DHRS7B: variants seen among roughly 807,000 people sequenced by gnomAD.
DHRS7B encodes the protein dehydrogenase/reductase 7B.
In DHRS7B, 24 loss-of-function variants were observed where a neutral mutation model predicts 26.4. The observed-to-expected ratio is 0.91, with a 90% CI of 0.66 to 1.28. The LOEUF is 1.28. Ranked by LOEUF, DHRS7B falls within the 50% of genes most tolerant of loss-of-function variation. The pLI, the probability that DHRS7B is intolerant of heterozygous loss-of-function variation, is 0.00. For missense variants in DHRS7B, 368 were observed against 419.4 expected (o/e 0.88, Z 1.07); for synonymous variants, 142 against 166.4 (o/e 0.85, Z 1.13).
intron 5 of DHRS7B, among the ~76,000 whole-genome samples, chr17:21,188,125 C>G (rs951945199): frequency 6.6e-6 from 1 of 152,154 alleles, no homozygotes; most frequent in African/African-American, 2.4e-5. Context: ...GCTGGGATTA[C>G]AGGTGTGAGC....
intron 3 of DHRS7B, among the ~76,000 whole-genome samples, chr17:21,182,439 G>C (rs1974534893): frequency 6.6e-6 from 1 of 152,088 alleles, no homozygotes; most frequent in African/African-American, 2.4e-5. Context: ...GTAGAGACGG[G>C]GGTTTCTCCA....
chr17:21,158,042 A>G (rs186115374), intron 1 of DHRS7B, among the ~76,000 whole-genome samples: 1 of 152,172 alleles, frequency 6.6e-6, no homozygotes, highest in Non-Finnish European at 1.5e-5. Context: ...ATTTGACAAT[A>G]TCTATCTCTG....
rs146147124 is a variant in DHRS7B at position 21,182,272 on chromosome 17, A to G, written c.310-1322A>G. 2.7e-3 allele frequency among the ~76,000 whole-genome samples: 411 copies of G among 151,642 alleles called. 1 individual carries two copies. The highest frequency in any genetic ancestry group is 9.4e-3 in the African/African-American group (388 of 41,262). On this transcript the variant is annotated intron_variant, in intron 3 of 6. Coordinates refer to ENST00000395511, the MANE Select transcript of DHRS7B (RefSeq NM_015510.5). ...TTTTTTCTTTCTTTTTTTGAGAAGG[A>G]GTTTTTGCTCTTGTTGCCCAGGCTG...
chr17:21,156,992 A>T (rs1212355912), intron 1 of DHRS7B, among the ~76,000 whole-genome samples: 1 of 152,196 alleles, frequency 6.6e-6, no homozygotes, highest in Non-Finnish European at 1.5e-5. Flanking sequence ...ATTCCATGAA[A>T]AGACAATCTG....
At chr17:21,147,718 C>T (rs2143969392) in intron 1 of DHRS7B, among the ~76,000 whole-genome samples, 1 of 152,308 alleles carries the variant, frequency 6.6e-6, no homozygotes, top group South Asian at 2.1e-4. Context: ...CCTTAACCCA[C>T]AGGAAGCATC....
chr17:21,153,600 CAG>C (rs1973818057), intron 1 of DHRS7B, among the ~76,000 whole-genome samples: 1 of 152,234 alleles, frequency 6.6e-6, no homozygotes, highest in African/African-American at 2.4e-5. Context: ...TATAAAAAAA[CAG>C]AAATGTCTTA....
chr17:21,185,683 G>T (rs1285468550), intron 5 of DHRS7B, among the ~76,000 whole-genome samples: 1 of 151,974 alleles, frequency 6.6e-6, no homozygotes, highest in African/African-American at 2.4e-5. Flanking sequence ...GTAAATCAGG[G>T]TAAAGAGGTT....
intron 1 of DHRS7B, among the ~76,000 whole-genome samples, chr17:21,160,091 C>T (rs1973968248): frequency 6.6e-6 from 1 of 151,892 alleles, no homozygotes; most frequent in South Asian, 2.1e-4. Flanking sequence ...CGTGGTGGCT[C>T]ACGCCTGTAT....
intron 1 of DHRS7B, among the ~76,000 whole-genome samples, chr17:21,165,255 G>A (rs1974085737): frequency 6.6e-6 from 1 of 152,028 alleles, no homozygotes; most frequent in African/African-American, 2.4e-5. Context: ...TCTGTCAGGG[G>A]TGGGTGCGGG....
At position 21,171,051 on chromosome 17, in the gene DHRS7B, G is replaced by T. The variant is rs185826016; in HGVS notation, c.21-967G>T. Among the ~76,000 whole-genome samples, 6 of 152,172 alleles carry T rather than the reference G, an allele frequency of 3.9e-5. No individual in the cohort carries two copies. In the South Asian group the frequency reaches 6.2e-4, roughly 16 times the overall value. On this transcript the variant is annotated intron_variant, in intron 1 of 6. Coordinates refer to ENST00000395511, the MANE Select transcript of DHRS7B (RefSeq NM_015510.5). ...ACCACAGCCCTGGAGGTGGACTCGG[G>T]GGGGGCCTTTTGTCTCATAGACTCT...
chr17:21,184,523 A>C (rs899190152), intron 5 of DHRS7B, 60 bp downstream of exon 5: 3 of 1,494,106 alleles, frequency 2.0e-6, no homozygotes, highest in African/African-American at 2.8e-5. Flanking sequence ...GATTATAAAA[A>C]TAACACATTT....
chr17:21,188,614 T>G lies in DHRS7B; in HGVS notation c.620-97T>G. The stretch of plus-strand genomic sequence containing the variant: ...AGACGATCACAAATAAAACCAGGTT[T>G]TCAAAACAGAGAGCGTGAATGGTAG... On this transcript the variant is annotated intron_variant, in intron 5 of 6. Transcript: ENST00000395511. 5 of 1,354,264 alleles carry G rather than the reference T, an allele frequency of 3.7e-6. 1 individual carries two copies. The South Asian group carries it at 7.4e-5, about 20-fold the overall frequency. 83.9% of individuals were successfully genotyped at this position (1,354,264 alleles called of 1,614,324 possible). A position where few individuals can be genotyped will look rare whatever the true frequency, so the allele number is the denominator to read the frequency against.
intron 1 of DHRS7B, among the ~76,000 whole-genome samples, chr17:21,138,831 A>G (rs1477096554): frequency 6.6e-6 from 1 of 152,130 alleles, no homozygotes; most frequent in Admixed American, 6.5e-5. Context: ...TACCCAAATA[A>G]TTAAATACCT....
At chr17:21,171,800 G>A (rs1974253251) in intron 1 of DHRS7B, 1 of 682,210 alleles carries the variant, frequency 1.5e-6, no homozygotes, top group Admixed American at 2.1e-5. Context: ...GAGGCCTGTG[G>A]CTTTTCTGTC....
At chr17:21,169,434 C>G (rs1974186739) in intron 1 of DHRS7B, among the ~76,000 whole-genome samples, 1 of 152,088 alleles carries the variant, frequency 6.6e-6, no homozygotes, top group Non-Finnish European at 1.5e-5. Context: ...CATCCAACCT[C>G]ATAACAAACC....
intron 2 of DHRS7B, among the ~76,000 whole-genome samples, chr17:21,172,831 C>G (rs534704252): frequency 6.6e-6 from 1 of 152,344 alleles, no homozygotes; most frequent in East Asian, 1.9e-4. Context: ...TACCGGGACC[C>G]TGGCCTGGAG....
chr17:21,127,162 C>A, intron 1 of DHRS7B, 171 bp downstream of exon 1: 1 of 661,824 alleles, frequency 1.5e-6, no homozygotes, highest in Non-Finnish European at 2.3e-6. Flanking sequence ...GAAGACTCAG[C>A]CCAGGCGCTG....
intron 1 of DHRS7B, among the ~76,000 whole-genome samples, chr17:21,168,018 G>A (rs1974151702): frequency 6.6e-6 from 1 of 152,178 alleles, no homozygotes; most frequent in Admixed American, 6.5e-5. Context: ...CCTTTTAGCT[G>A]GTAGAAAGCC....
At chr17:21,148,995 C>A (rs1206153848) in intron 1 of DHRS7B, among the ~76,000 whole-genome samples, 2 of 151,904 alleles carry the variant, frequency 1.3e-5, no homozygotes, top group African/African-American at 4.8e-5. Flanking sequence ...AGATTTGACC[C>A]AAATAAGACC....
Sources: allele counts gnomAD v4.1 joint callset (sites outside exome capture counted in the v4.1 genomes callset), GRCh38; gene constraint gnomAD v4.1.1; transcripts MANE v1.5; gene names NCBI Gene and HGNC (gene_info 2026-07-23, HGNC 2026-07-21).